The following PUM2 variants were observed in gnomAD, a reference collection of about 807,000 sequenced individuals.
PUM2 encodes pumilio RNA binding family member 2.
Under a neutral mutation model 124.5 loss-of-function variants are expected in PUM2, and 57 were observed. The ratio of observed to expected loss-of-function variants is 0.46; its 90% CI spans 0.37 to 0.57. The LOEUF is 0.57. Ranked by LOEUF, PUM2 falls within the 20% of genes least tolerant of loss-of-function variation. The pLI is 0.00. For missense variants in PUM2, 1,065 were observed against 1,290.6 expected, an observed-to-expected ratio of 0.83 and a Z score of 2.68; for synonymous variants, 460 against 446.1, an observed-to-expected ratio of 1.03 and a Z score of -0.39.
At chr2:20,350,540 G>A in intron 1 of PUM2, 57 bp downstream of exon 1, 1 of 985,648 alleles carries the variant, frequency 1.0e-6, no homozygotes, top group African/African-American at 1.7e-5. Context: ...AAAGCCTGGG[G>A]AGCCATCCTC....
intron 9 of PUM2, 81 bp downstream of exon 9, chr2:20,294,295 C>G: frequency 6.6e-7 from 1 of 1,511,954 alleles, no homozygotes; most frequent in Non-Finnish European, 9.0e-7. Context: ...AAACGTAAGT[C>G]GAAAAACACA....
rs151189329 is a variant in PUM2, at chr2:20,288,737, G to A, written c.1291+1915C>T. On this transcript the variant is annotated intron_variant, in intron 10 of 20. Coordinates refer to ENST00000361078, the MANE Select transcript of PUM2 (RefSeq NM_015317.5). ...GATTTTCTCAAGTGAGCCCTTTTTA[G>A]TATACACATTAGCTTTATAACTATG... is the stretch of plus-strand genomic sequence containing the variant. Among the ~76,000 whole-genome samples the A allele has an allele frequency of 1.2e-4, 19 of 152,306 alleles. No homozygotes were observed. The East Asian group carries it at 3.5e-3, about 28-fold the overall frequency.
rs1681082561 is a variant in PUM2, at chr2:20,316,914, C to T, written c.160+1623G>A. Among the ~76,000 whole-genome samples the T allele has an allele frequency of 4.6e-5, 7 of 151,908 alleles. No individual in the cohort carries two copies. The South Asian group carries it at 1.5e-3, about 32-fold the overall frequency. On this transcript the variant is annotated intron_variant, in intron 3 of 20. Coordinates refer to ENST00000361078, the MANE Select transcript of PUM2 (RefSeq NM_015317.5). ...GCTGTGGTAGCGAGCACCTATTATC[C>T]CAGCTACTCAGGAGGCTGAGGCAGG...
chr2:20,313,835 C>CAAAAA (rs35569645), intron 3 of PUM2, among the ~76,000 whole-genome samples: 28 of 55,050 alleles, frequency 5.1e-4, no homozygotes, highest in East Asian at 2.8e-3. Flanking sequence ...GATCCTGTCT[C>CAAAAA]AAAAAAAAAA....
Position 20,260,469 on chromosome 2 carries a change from A to C in PUM2, c.2226-3T>G, listed in dbSNP as rs751853560. 4.4e-6 allele frequency: 7 copies of C among 1,600,326 alleles called. No individual in the cohort carries two copies. Among genetic ancestry groups the C allele is most frequent in the Non-Finnish European group, 6.0e-6 (7 of 1,169,454 alleles). Reference sequence around the variant, plus strand: ...TCTCTAGTTTTTGCTGTATGAATCTACATAGGGAACATTTTTAATATGACA... The same window carrying C: ...TCTCTAGTTTTTGCTGTATGAATCTCCATAGGGAACATTTTTAATATGACA... On this transcript the variant is annotated splice_region_variant and splice_polypyrimidine_tract_variant and intron_variant, in intron 14 of 20. Coordinates refer to ENST00000361078, the MANE Select transcript of PUM2 (RefSeq NM_015317.5).
chr2:20,349,680 T>C (rs1487497763), intron 1 of PUM2, among the ~76,000 whole-genome samples: 2 of 152,224 alleles, frequency 1.3e-5, no homozygotes, highest in African/African-American at 4.8e-5. Context: ...ATACAGTACC[T>C]TTACAGGTAT....
intron 9 of PUM2, among the ~76,000 whole-genome samples, chr2:20,291,890 C>T (rs1022243812): frequency 6.6e-6 from 1 of 152,034 alleles, no homozygotes; most frequent in Non-Finnish European, 1.5e-5. Flanking sequence ...AATCTTGTTG[C>T]TTTAGGAATG....
At chr2:20,310,230 ATTAG>A (rs946416831) in intron 5 of PUM2, among the ~76,000 whole-genome samples, 2 of 152,078 alleles carry the variant, frequency 1.3e-5, no homozygotes, top group African/African-American at 4.8e-5. Context: ...ATCTAAAATA[ATTAG>A]TAATTTAAAA....
At chr2:20,282,798 A>AT (rs375533659) in intron 12 of PUM2, 149 bp downstream of exon 12, 738 of 917,280 alleles carry the variant, frequency 8.0e-4, no homozygotes, top group Non-Finnish European at 9.7e-4. Flanking sequence ...GATTTGCAGG[A>AT]TTTTTTTTTC....
chr2:20,256,749 T>C (rs149056767), intron 16 of PUM2, among the ~76,000 whole-genome samples: 1 of 152,072 alleles, frequency 6.6e-6, no homozygotes, highest in African/African-American at 2.4e-5. Context: ...AATGCTCTTA[T>C]AATAAAGTGC....
intron 7 of PUM2, among the ~76,000 whole-genome samples, chr2:20,304,326 T>C (rs189573735): frequency 6.6e-6 from 1 of 152,342 alleles, no homozygotes; most frequent in East Asian, 1.9e-4. Flanking sequence ...ACCCTGTCTT[T>C]TTGTTTTCAT....
rs984623463 is a variant in PUM2, at chr2:20,263,440, C to T, written c.1978G>A (p.Gly660Ser). ...CCAGGTGCTGCAGAGATATATCGAC[C>T]ACTACCATTTGTCAGTCCTCCTACA... ...LHLGGLTNGS[G>S]RYISAAPGAE... is the part of the protein sequence containing the mutation. Residue 660 changes from glycine (G) to serine (S), a missense_variant, in exon 14 of 21, where the codon GGT becomes AGT. Gly to Ser is a moderately conservative substitution (Grantham distance 56, BLOSUM62 0). This residue lies in a region of PUM2 where 968 missense variants were observed against 1,159.8 expected (regional missense o/e 0.83). Coordinates refer to ENST00000361078, the MANE Select transcript of PUM2 (RefSeq NM_015317.5). 2 of 1,611,952 alleles carry T rather than the reference C, an allele frequency of 1.2e-6. No individual in the cohort carries two copies. The highest frequency in any genetic ancestry group is 1.7e-5 in the Admixed American group (1 of 59,986).
chr2:20,263,046 TGAAA>T (rs1666679460), intron 14 of PUM2, 143 bp downstream of exon 14: 1 of 725,722 alleles, frequency 1.4e-6, no homozygotes, highest in Non-Finnish European at 2.1e-6. Context: ...TATCCTAACA[TGAAA>T]GAAAAAACAT....
intron 13 of PUM2, among the ~76,000 whole-genome samples, chr2:20,276,208 C>T (rs1282446204): frequency 6.6e-6 from 1 of 151,828 alleles, no homozygotes; most frequent in East Asian, 1.9e-4. Flanking sequence ...TACTAGTCAT[C>T]CTGCTAAAAA....
intron 3 of PUM2, 33 bp from the exon 4 acceptor site, chr2:20,312,456 A>AAAAG: frequency 6.4e-7 from 1 of 1,559,238 alleles, no homozygotes; most frequent in Non-Finnish European, 8.7e-7. Context: ...TTATATACTT[A>AAAAG]TACTTTTAAG....
upstream of PUM2, chr2:20,352,232 G>A (rs10195153): frequency 0.062 from 9,487 of 152,270 alleles, 474 homozygotes; most frequent in African/African-American, 0.14. Context: ...CCTCACTAAT[G>A]CTAGCCTTGC....
At chr2:20,272,059 T>C (rs1184834487) in intron 13 of PUM2, among the ~76,000 whole-genome samples, 1 of 152,058 alleles carries the variant, frequency 6.6e-6, no homozygotes, top group Non-Finnish European at 1.5e-5. Context: ...CTCAGGAGGC[T>C]GAGGCAGGAG....
intron 12 of PUM2, among the ~76,000 whole-genome samples, chr2:20,279,837 G>T (rs2148851615): frequency 6.6e-6 from 1 of 152,160 alleles, no homozygotes; most frequent in East Asian, 1.9e-4. Context: ...CAGTTCTCAA[G>T]TCTCACTTAA....
intron 9 of PUM2, among the ~76,000 whole-genome samples, chr2:20,292,930 A>AC (rs1221889896): frequency 2.0e-5 from 3 of 152,112 alleles, no homozygotes; most frequent in African/African-American, 7.2e-5. Flanking sequence ...TCCATCTCAA[A>AC]AAAAACAAAA....
Sources: gnomAD v4.1 joint callset for allele counts (sites outside exome capture counted in the v4.1 genomes callset) on GRCh38, gnomAD v4.1.1 for gene constraint, gnomAD v4.1.1 regional missense constraint, MANE v1.5 for transcripts, NCBI Gene and HGNC (gene_info 2026-07-23, HGNC 2026-07-21) for gene names.